Variants in USP18 observed in about 807,000 individuals in gnomAD.
The protein encoded by USP18 is ubl carboxyl-terminal hydrolase 18.
A neutral mutation model predicts 48.7 loss-of-function variants in USP18; 11 were observed. The ratio of observed to expected loss-of-function variants is 0.23; its 90% CI spans 0.14 to 0.37. USP18 has a LOEUF of 0.37. Ranked by LOEUF, USP18 falls within the 10% of genes least tolerant of loss-of-function variation. The pLI is 1.00. For synonymous variants in USP18, 114 were observed against 163.2 expected (o/e 0.70, Z 2.30); for missense variants, 285 against 436.4 (o/e 0.65, Z 3.09).
At chr22:18,169,799 G>A (rs746575454) in intron 6 of USP18, 45 bp from the exon 7 acceptor site, 3 of 1,546,280 alleles carry the variant, frequency 1.9e-6, no homozygotes, top group South Asian at 1.2e-5. Flanking sequence ...ATTCTAGGTG[G>A]GAAATACCAA....
At chr22:18,165,770 T>G (rs1929458425) in intron 4 of USP18, among the ~76,000 whole-genome samples, 1 of 149,946 alleles carries the variant, frequency 6.7e-6, no homozygotes, top group South Asian at 2.1e-4. Flanking sequence ...TCTAGGGGTT[T>G]GTCTTTCACC....
chr22:18,163,499 T>C (rs1263038538), intron 4 of USP18, among the ~76,000 whole-genome samples: 5 of 151,742 alleles, frequency 3.3e-5, no homozygotes, highest in Admixed American at 6.6e-5. Context: ...AAAAATTAGC[T>C]GGGCGTGGTG....
intron 3 of USP18, among the ~76,000 whole-genome samples, chr22:18,160,811 C>G (rs1226841332): frequency 6.7e-6 from 1 of 149,458 alleles, no homozygotes; most frequent in Non-Finnish European, 1.5e-5. Context: ...CACTCTGTCC[C>G]CAGGCTGGAG....
chr22:18,150,434 A>C (rs1264747291), intron 1 of USP18, among the ~76,000 whole-genome samples: 1 of 151,046 alleles, frequency 6.6e-6, no homozygotes, highest in Non-Finnish European at 1.5e-5. Flanking sequence ...TTTGTGTTTA[A>C]TTAAAACAAA....
At chr22:18,150,911 G>C (rs5993015) in intron 1 of USP18, among the ~76,000 whole-genome samples, 1 of 152,068 alleles carries the variant, frequency 6.6e-6, no homozygotes, top group Admixed American at 6.5e-5. Flanking sequence ...AGATCGCACC[G>C]TTGCACTCCA....
At chr22:18,156,595 C>G (rs900779460) in intron 1 of USP18, among the ~76,000 whole-genome samples, 1 of 151,986 alleles carries the variant, frequency 6.6e-6, no homozygotes, top group Non-Finnish European at 1.5e-5. Flanking sequence ...CGCAGCTTCG[C>G]TCCTGAAGCC....
Position 18,157,720 on chromosome 22 carries a change from C to T in USP18, c.57C>T (p.Ser19=). The change falls in exon 2 of 11, where the codon TCC becomes TCT. Residue 19 remains serine, a synonymous_variant. Transcript: ENST00000215794. ...RQICQSILAE[S]SQSPADLEEK... ...TCTGTCAGTCCATCCTGGCTGAGTC[C>T]TCGCAGTCCCCGGCAGATCTTGAAG... The T allele has an allele frequency of 6.2e-7, 1 of 1,614,080 alleles. No individual in the cohort carries two copies. The highest frequency in any genetic ancestry group is 8.5e-7 in the Non-Finnish European group (1 of 1,180,018).
chr22:18,161,639 C>T (rs1929336321), intron 3 of USP18, 151 bp from the exon 4 acceptor site: 7 of 694,546 alleles, frequency 1.0e-5, no homozygotes, highest in African/African-American at 2.7e-5. Flanking sequence ...GATAACTGCC[C>T]GCGCCCCGCC....
chr22:18,163,687 C>T (rs533192139), intron 4 of USP18, among the ~76,000 whole-genome samples: 1 of 152,036 alleles, frequency 6.6e-6, no homozygotes, highest in East Asian at 1.9e-4. Context: ...AAGAAAAATA[C>T]CTCTCCCAGT....
rs1928958852 is a variant in USP18 at position 18,150,242 on chromosome 22, T to C, written c.-107+20T>C. 6.6e-6 allele frequency: 1 copy of C among 152,244 alleles called. No individual in the cohort carries two copies. The allele number at this position is 152,244 out of a possible 1,614,324, so 9.4% of individuals were successfully genotyped here. A position where few individuals can be genotyped will look rare whatever the true frequency, so the allele number is the denominator to read the frequency against. ...CTTGAGGCAAGTTCGGGGCTCATTT[T>C]GGAAGTTTTCTTTCTAGCACAGACA... On this transcript the variant is annotated intron_variant, in intron 1 of 10. Transcript: ENST00000215794.
chr22:18,153,199 T>G (rs1929043014), intron 1 of USP18, among the ~76,000 whole-genome samples: 1 of 152,100 alleles, frequency 6.6e-6, no homozygotes, highest in South Asian at 2.1e-4. Context: ...GAGGCCGAGA[T>G]GGGTGGATCA....
intron 2 of USP18, among the ~76,000 whole-genome samples, chr22:18,158,056 G>A (rs12168538): frequency 1.3e-5 from 2 of 152,174 alleles, no homozygotes; most frequent in African/African-American, 2.4e-5. Flanking sequence ...TTGGGAGGCC[G>A]TGGCAAGTGG....
intron 4 of USP18, among the ~76,000 whole-genome samples, chr22:18,163,964 C>T (rs117131445): frequency 2.1e-3 from 322 of 152,310 alleles, no homozygotes; most frequent in Non-Finnish European, 3.9e-3. Context: ...TGAGTTAATC[C>T]GCCACTTGCT....
intron 1 of USP18, among the ~76,000 whole-genome samples, chr22:18,156,974 C>T (rs1360474753): frequency 1.3e-5 from 2 of 152,162 alleles, no homozygotes; most frequent in East Asian, 1.9e-4. Flanking sequence ...TACACGGGTA[C>T]CCCTATGGCC....
intron 1 of USP18, 83 bp from the exon 2 acceptor site, chr22:18,157,475 C>A: frequency 2.8e-6 from 2 of 720,354 alleles, no homozygotes; most frequent in Non-Finnish European, 4.7e-6. Context: ...CCTCTAAGAC[C>A]TGCTCTTTGG....
intron 1 of USP18, among the ~76,000 whole-genome samples, chr22:18,157,258 T>A (rs990884709): frequency 6.6e-6 from 1 of 152,240 alleles, no homozygotes. Flanking sequence ...TGCTGGCTTT[T>A]TACTGAAGTG....
intron 4 of USP18, among the ~76,000 whole-genome samples, chr22:18,163,726 G>T (rs1276130464): frequency 2.0e-5 from 3 of 152,038 alleles, no homozygotes; most frequent in African/African-American, 7.2e-5. Context: ...TATAAGAGAC[G>T]AACTTACCAA....
chr22:18,159,120 A>G (rs563619777), intron 2 of USP18, among the ~76,000 whole-genome samples: 1 of 152,220 alleles, frequency 6.6e-6, no homozygotes, highest in Admixed American at 6.5e-5. Flanking sequence ...CAGTGGCACG[A>G]TCTTGGCTCA....
chr22:18,158,316 T>C (rs369751472), intron 2 of USP18, among the ~76,000 whole-genome samples: 1 of 151,952 alleles, frequency 6.6e-6, no homozygotes, highest in African/African-American at 2.4e-5. Flanking sequence ...ATGGGGGTAA[T>C]AATAGTACCA....
Sources: gnomAD v4.1 joint callset for allele counts (sites outside exome capture counted in the v4.1 genomes callset) on GRCh38, gnomAD v4.1.1 for gene constraint, MANE v1.5 for transcripts, NCBI Gene and HGNC (gene_info 2026-07-23, HGNC 2026-07-21) for gene names.